SETD7: variants seen among roughly 807,000 people sequenced by gnomAD.
The protein encoded by SETD7 is SET domain containing 7, histone lysine methyltransferase.
Under a neutral mutation model 41.8 loss-of-function variants are expected in SETD7, and 16 were observed. That is an observed-to-expected ratio of 0.38 (90% CI 0.26 to 0.58). SETD7 has a LOEUF of 0.58. SETD7 is among the 20% of genes least tolerant of loss of function. The pLI, the probability that SETD7 is intolerant of heterozygous loss-of-function variation, is 0.64. For missense variants in SETD7, 346 were observed against 459.7 expected, an observed-to-expected ratio of 0.75 and a Z score of 2.26; for synonymous variants, 163 against 169.7, an observed-to-expected ratio of 0.96 and a Z score of 0.31.
intron 4 of SETD7, among the ~76,000 whole-genome samples, chr4:139,526,587 T>A (rs1727336464): frequency 6.6e-6 from 1 of 152,106 alleles, no homozygotes; most frequent in African/African-American, 2.4e-5. Context: ...CCTGGCCTAC[T>A]GTTTCTTATT....
At chr4:139,527,431 G>A (rs945319915) in intron 4 of SETD7, among the ~76,000 whole-genome samples, 2 of 152,156 alleles carry the variant, frequency 1.3e-5, no homozygotes, top group African/African-American at 4.8e-5. Context: ...TGTGGTGCAT[G>A]CCTGTAGTCT....
At chr4:139,548,364 C>T (rs916478007) in intron 1 of SETD7, among the ~76,000 whole-genome samples, 1 of 152,186 alleles carries the variant, frequency 6.6e-6, no homozygotes, top group Admixed American at 6.5e-5. Context: ...GGCATGGTGG[C>T]TCACGCCTAT....
Position 139,507,726 on chromosome 4 carries a change from A to T in SETD7, c.*3937T>A, listed in dbSNP as rs1726746353. 1 of 152,650 alleles carries T rather than the reference A, an allele frequency of 6.6e-6. No homozygotes were observed. The highest frequency in any genetic ancestry group is 1.5e-5 in the Non-Finnish European group (1 of 68,036). 9.5% of individuals were successfully genotyped at this position (152,650 alleles called of 1,614,324 possible). On this transcript the variant is annotated 3_prime_UTR_variant, in exon 8 of 8. Transcript: ENST00000274031. ...ATTACAATTTAGTATTTTTAAAATT[A>T]AAAAAAGTGACAACGAGTTTCCAAA...
Position 139,555,960 on chromosome 4 carries a change from C to A in SETD7, c.40+138G>T, listed in dbSNP as rs1728256761. On this transcript the variant is annotated intron_variant, in intron 1 of 7. Coordinates refer to ENST00000274031, the MANE Select transcript of SETD7 (RefSeq NM_030648.4). This position sits in a 1 kb window ranked among gnomAD's most constrained non-coding sequence, Gnocchi z 4.0. The stretch of plus-strand genomic sequence containing the variant: ...TGACCGTGGCTGTCGGGCCCCCGCC[C>A]GAGCCGGGCAACCGGCCACCCGTGT... 1 of 750,244 alleles carries A rather than the reference C, an allele frequency of 1.3e-6. No homozygotes were observed. The highest frequency in any genetic ancestry group is 4.5e-5 in the Admixed American group (1 of 22,300). The allele number at this position is 750,244 out of a possible 1,614,324, so 46.5% of individuals were successfully genotyped here.
rs1264341612 is a variant in SETD7 at position 139,506,654 on chromosome 4, T to C, written c.*5009A>G. The C allele has an allele frequency of 6.6e-6, 1 of 152,570 alleles. No homozygotes were observed. The highest frequency in any genetic ancestry group is 1.5e-5 in the Non-Finnish European group (1 of 68,026). 9.5% of individuals were successfully genotyped at this position (152,570 alleles called of 1,614,324 possible). A position where few individuals can be genotyped will look rare whatever the true frequency, so the allele number is the denominator to read the frequency against. On this transcript the variant is annotated 3_prime_UTR_variant, in exon 8 of 8. Transcript: ENST00000274031. ...GTATTGCTACTATACACAGTGAAAA[T>C]TTATCCTAATATGTATCATTTCATT... is the stretch of plus-strand genomic sequence containing the variant.
chr4:139,525,119 C>T (rs1345143886), intron 4 of SETD7, among the ~76,000 whole-genome samples: 1 of 152,166 alleles, frequency 6.6e-6, no homozygotes, highest in African/African-American at 2.4e-5. Flanking sequence ...GCCCAGCCGT[C>T]ACTTTTTATA....
intron 1 of SETD7, among the ~76,000 whole-genome samples, chr4:139,553,550 C>A (rs1162615332): frequency 6.6e-6 from 1 of 152,196 alleles, no homozygotes; most frequent in Non-Finnish European, 1.5e-5. Flanking sequence ...GAAGTCCAAG[C>A]CAGTCTCTCC....
At chr4:139,543,570 A>G (rs905278934) in intron 2 of SETD7, among the ~76,000 whole-genome samples, 6 of 152,148 alleles carry the variant, frequency 3.9e-5, no homozygotes, top group Non-Finnish European at 7.4e-5. Context: ...AAGATAACCA[A>G]GATAATCTCT....
chr4:139,505,369 A>T (rs1447548131), downstream of SETD7, among the ~76,000 whole-genome samples: 1 of 152,148 alleles, frequency 6.6e-6, no homozygotes, highest in African/African-American at 2.4e-5. Context: ...CAGGCAGATC[A>T]CTTGAGGTCA....
chr4:139,552,002 T>G (rs888489545), intron 1 of SETD7, among the ~76,000 whole-genome samples: 1 of 152,338 alleles, frequency 6.6e-6, no homozygotes, highest in South Asian at 2.1e-4. Context: ...TTTTTTAATT[T>G]TTTAGGTTTT....
chr4:139,495,048 T>A (rs1726429053), downstream of SETD7, among the ~76,000 whole-genome samples: 1 of 152,240 alleles, frequency 6.6e-6, no homozygotes, highest in African/African-American at 2.4e-5. Context: ...AATGGACATA[T>A]TTTTCCAGAT....
chr4:139,530,433 G>T (rs1727452588), intron 3 of SETD7, among the ~76,000 whole-genome samples: 1 of 142,324 alleles, frequency 7.0e-6, no homozygotes, highest in African/African-American at 2.6e-5. Flanking sequence ...TACATAGAAA[G>T]AAAAATACTT....
At chr4:139,547,154 C>T in intron 1 of SETD7, 105 bp from the exon 2 acceptor site, 1 of 1,425,254 alleles carries the variant, frequency 7.0e-7, no homozygotes, top group Non-Finnish European at 9.5e-7. Context: ...CCCAACTCCC[C>T]TCCAGCTGCC....
At position 139,531,400 on chromosome 4, in the gene SETD7, C is replaced by T. The variant is rs560909215; in HGVS notation, c.372+1765G>A. Among the ~76,000 whole-genome samples the T allele has an allele frequency of 8.5e-5, 13 of 152,206 alleles. No individual in the cohort carries two copies. In the South Asian group the frequency reaches 2.3e-3, roughly 27 times the overall value. On this transcript the variant is annotated intron_variant, in intron 3 of 7. Coordinates refer to ENST00000274031, the MANE Select transcript of SETD7 (RefSeq NM_030648.4). ...TATACTCATCTCTATGTAGAGAGTTCCACTTCCCCTGACTTCAAGATGCAC... is the reference window on the plus strand; with the variant it reads ...TATACTCATCTCTATGTAGAGAGTTTCACTTCCCCTGACTTCAAGATGCAC...
At chr4:139,536,872 A>G (rs1050270747) in intron 2 of SETD7, among the ~76,000 whole-genome samples, 13 of 152,206 alleles carry the variant, frequency 8.5e-5, no homozygotes, top group African/African-American at 2.9e-4. Context: ...ACATGGTGGC[A>G]GGCACCTGTA....
rs1726697345 is a variant in SETD7 at position 139,506,210 on chromosome 4, G to A, written c.*5453C>T. On this transcript the variant is annotated 3_prime_UTR_variant, in exon 8 of 8. Transcript: ENST00000274031. ...AAAAACTCATTCATAACACAGTAAG[G>A]GCAAACATTATTCATGTAAACATCT... 1 of 152,376 alleles carries A rather than the reference G, an allele frequency of 6.6e-6. No homozygotes were observed. The highest frequency in any genetic ancestry group is 1.5e-5 in the Non-Finnish European group (1 of 68,002). 9.4% of individuals were successfully genotyped at this position (152,376 alleles called of 1,614,324 possible).
At chr4:139,553,385 C>T (rs1728165821) in intron 1 of SETD7, among the ~76,000 whole-genome samples, 1 of 152,206 alleles carries the variant, frequency 6.6e-6, no homozygotes, top group African/African-American at 2.4e-5. Context: ...TCTGTCAGAA[C>T]CAACCTCTAC....
rs373457986 is a variant in SETD7 at position 139,519,750 on chromosome 4, G to A, written c.762+527C>T. ...ACTTTTGCCCTTAGGCAGACACTTA[G>A]GGAAATTAACTGTAAAGTGAAGAAA... On this transcript the variant is annotated intron_variant, in intron 6 of 7. Transcript: ENST00000274031. Among the ~76,000 whole-genome samples the A allele has an allele frequency of 6.6e-5, 10 of 152,328 alleles. 1 individual carries two copies. Among genetic ancestry groups the A allele is most frequent in the Admixed American group, 4.6e-4 (7 of 15,302 alleles).
chr4:139,504,957 G>A (rs545983058), downstream of SETD7, among the ~76,000 whole-genome samples: 12 of 152,250 alleles, frequency 7.9e-5, no homozygotes, highest in East Asian at 1.7e-3. Context: ...TTTGACCCAT[G>A]CGTGTTAGAG....
Sources: gnomAD v4.1 joint callset for allele counts (sites outside exome capture counted in the v4.1 genomes callset) on GRCh38, gnomAD v4.1.1 for gene constraint, Gnocchi (gnomAD v3.1) non-coding constraint, MANE v1.5 for transcripts, NCBI Gene and HGNC (gene_info 2026-07-23, HGNC 2026-07-21) for gene names.